The following SLMAP variants were observed in gnomAD, a reference collection of about 807,000 sequenced individuals.
SLMAP encodes the protein sarcolemma associated protein.
SLMAP carries 44 observed loss-of-function variants against 128.8 expected under a neutral mutation model. That is an observed-to-expected ratio of 0.34 (90% confidence interval 0.27 to 0.44). SLMAP has a LOEUF of 0.44. SLMAP is among the 20% of genes least tolerant of loss of function. The pLI, the probability that SLMAP is intolerant of heterozygous loss-of-function variation, is 1.00. For missense variants in SLMAP, 787 were observed against 985.3 expected (o/e 0.80, Z 2.69); for synonymous variants, 327 against 348.8 (o/e 0.94, Z 0.70).
chr3:57,862,466 C>T (rs1274990394), intron 10 of SLMAP, among the ~76,000 whole-genome samples: 1 of 151,244 alleles, frequency 6.6e-6, no homozygotes, highest in Non-Finnish European at 1.5e-5. Context: ...GGTGAAACCC[C>T]GTCTCTACTA....
chr3:57,886,778 G>A (rs146782023), intron 14 of SLMAP, among the ~76,000 whole-genome samples: 5 of 151,612 alleles, frequency 3.3e-5, no homozygotes, highest in African/African-American at 7.3e-5. Flanking sequence ...AAAATGCACC[G>A]AGTACTTAGC....
At chr3:57,837,492 C>T (rs2093693669) in intron 3 of SLMAP, among the ~76,000 whole-genome samples, 2 of 152,144 alleles carry the variant, frequency 1.3e-5, no homozygotes, top group African/African-American at 4.8e-5. Flanking sequence ...CCTCAGCCTC[C>T]CTAGTAGCTG....
intron 2 of SLMAP, among the ~76,000 whole-genome samples, chr3:57,805,261 T>C (rs2089571234): frequency 1.3e-5 from 2 of 152,224 alleles, no homozygotes; most frequent in African/African-American, 4.8e-5. Context: ...GATCATCTTA[T>C]ATATTAGAAT....
At chr3:57,824,042 G>A (rs1425677718) in intron 2 of SLMAP, among the ~76,000 whole-genome samples, 4 of 152,048 alleles carry the variant, frequency 2.6e-5, no homozygotes, top group African/African-American at 9.7e-5. Context: ...TACCCACAGA[G>A]GTGAAGGAAA....
rs146973066 is a variant in SLMAP, at chr3:57,766,977, G to T, written c.198+9128G>T. On this transcript the variant is annotated intron_variant, in intron 2 of 24. Coordinates refer to ENST00000671191, the MANE Select transcript of SLMAP (RefSeq NM_001377540.1). ...TCTGTCACCCAGGCTAGAGTGTAGT[G>T]GTGTGATCTTGGCTTACTGCAGCCT... Among the ~76,000 whole-genome samples the T allele has an allele frequency of 4.2e-3, 636 of 152,074 alleles. 6 individuals carry two copies. Among genetic ancestry groups the T allele is most frequent in the African/African-American group, 0.015 (617 of 41,472 alleles).
At chr3:57,836,700 C>T (rs940843113) in intron 3 of SLMAP, among the ~76,000 whole-genome samples, 1 of 152,142 alleles carries the variant, frequency 6.6e-6, no homozygotes, top group Non-Finnish European at 1.5e-5. Flanking sequence ...ACTCAATGGT[C>T]AGGCATGTAC....
chr3:57,762,317 T>G (rs7625298), intron 2 of SLMAP, among the ~76,000 whole-genome samples: 16 of 149,888 alleles, frequency 1.1e-4, no homozygotes, highest in Non-Finnish European at 2.2e-4. Context: ...TGCAGTGAGC[T>G]GAGATCGCGC....
intron 2 of SLMAP, among the ~76,000 whole-genome samples, chr3:57,775,991 G>A (rs954486482): frequency 6.6e-6 from 1 of 152,108 alleles, no homozygotes; most frequent in Non-Finnish European, 1.5e-5. Context: ...GAGCCACCAC[G>A]CCGGGCCAAT....
chr3:57,866,576 A>G (rs549252308), intron 13 of SLMAP, among the ~76,000 whole-genome samples: 2 of 152,326 alleles, frequency 1.3e-5, no homozygotes, highest in East Asian at 3.9e-4. Flanking sequence ...TGTAAAATGC[A>G]TTGACTTTTT....
At chr3:57,919,854 C>T (rs1050665377) in intron 22 of SLMAP, among the ~76,000 whole-genome samples, 11 of 152,032 alleles carry the variant, frequency 7.2e-5, no homozygotes, top group African/African-American at 2.4e-4. Flanking sequence ...CAAAGACTGA[C>T]TCAAGAAAGT....
intron 2 of SLMAP, among the ~76,000 whole-genome samples, chr3:57,802,537 C>G (rs2088783589): frequency 6.6e-6 from 1 of 152,132 alleles, no homozygotes. Context: ...CTGCCTTGGC[C>G]TCCCAGTCTT....
Position 57,903,720 on chromosome 3 carries a change from A to G in SLMAP, c.1502-4164A>G, listed in dbSNP as rs886688084. ...ATACACCAGGCAGTTCTAAACATAT[A>G]CAATTCATGTTAAGGAAAAAACAGA... On this transcript the variant is annotated intron_variant, in intron 17 of 24. Transcript: ENST00000671191. Among the ~76,000 whole-genome samples, 17 of 152,232 alleles carry G rather than the reference A, an allele frequency of 1.1e-4. 2 individuals are homozygous for G. The highest frequency in any genetic ancestry group is 9.8e-4 in the Admixed American group (15 of 15,280).
At chr3:57,882,360 T>C (rs560459643) in intron 14 of SLMAP, among the ~76,000 whole-genome samples, 2 of 152,188 alleles carry the variant, frequency 1.3e-5, no homozygotes, top group South Asian at 4.1e-4. Flanking sequence ...AAACAAAGAC[T>C]GTAAGGGGAT....
At chr3:57,814,327 G>A (rs1381445386) in intron 2 of SLMAP, among the ~76,000 whole-genome samples, 1 of 151,934 alleles carries the variant, frequency 6.6e-6, no homozygotes, top group Admixed American at 6.6e-5. Flanking sequence ...TTTTTGTAGA[G>A]ACAGGGTCTC....
At chr3:57,833,529 C>T (rs2093460977) in intron 3 of SLMAP, among the ~76,000 whole-genome samples, 1 of 151,888 alleles carries the variant, frequency 6.6e-6, no homozygotes, top group Non-Finnish European at 1.5e-5. Context: ...AAGTGATTCT[C>T]CTGCCTCAGC....
At chr3:57,786,266 G>C (rs1224968505) in intron 2 of SLMAP, among the ~76,000 whole-genome samples, 1 of 152,132 alleles carries the variant, frequency 6.6e-6, no homozygotes, top group Non-Finnish European at 1.5e-5. Flanking sequence ...TCTCCTTTCA[G>C]GGGTTCAGGC....
rs1157170350 is a variant in SLMAP at position 57,853,955 on chromosome 3, TTATATATATATATATATATATATA to T, written c.520-3756_520-3733del. 1.3e-3 allele frequency among the ~76,000 whole-genome samples: 41 copies of T among 31,942 alleles called. No homozygotes were observed. In the East Asian group the frequency reaches 0.018, roughly 14 times the overall value. The allele number at this position is 31,942 out of a possible 152,430, so 21.0% of individuals were successfully genotyped here. ...AAATTCTGTCTCAAAAAAAAAAAAA[TTATATATATATATATATATATATA>T]TATATATATATATATATATATTTAC... On this transcript the variant is annotated intron_variant, in intron 6 of 24. Transcript: ENST00000671191.
intron 2 of SLMAP, among the ~76,000 whole-genome samples, chr3:57,804,098 T>G (rs1290196898): frequency 6.6e-6 from 1 of 152,216 alleles, no homozygotes; most frequent in African/African-American, 2.4e-5. Flanking sequence ...ACAGATTGTC[T>G]GCCAAAAAGT....
intron 14 of SLMAP, 67 bp from the exon 15 acceptor site, chr3:57,889,974 C>T: frequency 5.4e-6 from 6 of 1,112,854 alleles, no homozygotes; most frequent in Non-Finnish European, 8.3e-6. Context: ...GAATGTGTTA[C>T]ACTGCCCAGC....
Sources: allele counts gnomAD v4.1 joint callset (sites outside exome capture counted in the v4.1 genomes callset), GRCh38; gene constraint gnomAD v4.1.1; transcripts MANE v1.5; gene names NCBI Gene and HGNC (gene_info 2026-07-23, HGNC 2026-07-21).